Variants in CHD9 observed in about 807,000 individuals in gnomAD.
The protein encoded by CHD9 is ATP-dependent chromatin remodeler CHD9.
Under a neutral mutation model 316.1 loss-of-function variants are expected in CHD9, and 77 were observed. The observed-to-expected ratio is 0.24, with a 90% CI of 0.20 to 0.29. The LOEUF is 0.29. Ranked by LOEUF, CHD9 falls within the 10% of genes least tolerant of loss-of-function variation. The probability of loss-of-function intolerance (pLI) is 1.00; values close to 1 mark genes in which losing one functional copy is unlikely to be tolerated. For synonymous variants in CHD9, 1,129 were observed against 1,158.3 expected (o/e 0.97, Z 0.51); for missense variants, 2,763 against 3,438.1 (o/e 0.80, Z 4.91).
In CHD9 at chr16:53,209,506, G is replaced by A; in HGVS notation, c.1477G>A (p.Gly493Ser). Residue 493 changes from glycine (G) to serine (S), a missense_variant, in exon 3 of 39, where the codon GGT becomes AGT. Around this residue, in one of 15 missense-constraint regions of CHD9, gnomAD observed 859 missense variants for 890.4 expected, o/e 0.96. Coordinates refer to ENST00000447540, the MANE Select transcript of CHD9 (RefSeq NM_001308319.2). ...GCCTCCATCTTCCAAGAAGAGCGATGGTTCTGGGACATATACTAAGTTGCA... is the reference window on the plus strand; with the variant it reads ...GCCTCCATCTTCCAAGAAGAGCGATAGTTCTGGGACATATACTAAGTTGCA... ...RQPPSSKKSD[G>S]SGTYTKLQNT... 6.2e-7 allele frequency: 1 copy of A among 1,606,004 alleles called. No homozygotes were observed. Among genetic ancestry groups the A allele is most frequent in the African/African-American group, 1.3e-5 (1 of 74,648 alleles).
At chr16:53,056,168 G>A (rs2032088314) in intron 1 of CHD9, among the ~76,000 whole-genome samples, 1 of 152,248 alleles carries the variant, frequency 6.6e-6, no homozygotes, top group Admixed American at 6.5e-5. Context: ...TGGGATTATA[G>A]GCATGAGCCG....
intron 2 of CHD9, among the ~76,000 whole-genome samples, chr16:53,192,529 T>C (rs2044560050): frequency 6.6e-6 from 1 of 152,226 alleles, no homozygotes; most frequent in Non-Finnish European, 1.5e-5. Flanking sequence ...ATTCATCTTT[T>C]GTGTCATATA....
Position 53,255,618 on chromosome 16 carries a change from A to G in CHD9, c.4048A>G (p.Lys1350Glu). 1 of 1,611,268 alleles carries G rather than the reference A, an allele frequency of 6.2e-7. No homozygotes were observed. Among genetic ancestry groups the G allele is most frequent in the Non-Finnish European group, 8.5e-7 (1 of 1,179,108 alleles). Residue 1350 changes from lysine (K) to glutamate (E), a missense_variant, in exon 19 of 39, where the codon AAG becomes GAG. By Grantham distance (56) the Lys-to-Glu change is moderately conservative. This residue lies in a region of CHD9 where 199 missense variants were observed against 251.7 expected (regional missense o/e 0.79). Transcript: ENST00000447540. The stretch of plus-strand genomic sequence containing the variant: ...TCCTTAGATTCAGCAGCTTTCCAAA[A>G]AGGAAATAGAAGATCTGCTTCGAAG... ...NVGGIQQLSK[K>E]EIEDLLRRGA...
intron 1 of CHD9, among the ~76,000 whole-genome samples, chr16:53,090,540 G>GA: frequency 6.6e-6 from 1 of 152,292 alleles, no homozygotes; most frequent in East Asian, 1.9e-4. Flanking sequence ...GGTTCTGTGG[G>GA]ATCACGTGTA....
chr16:53,079,153 C>T (rs933965436), intron 1 of CHD9, among the ~76,000 whole-genome samples: 1 of 152,158 alleles, frequency 6.6e-6, no homozygotes, highest in African/African-American at 2.4e-5. Context: ...TTTTCCTTCT[C>T]GTACCCCTCA....
At chr16:53,314,296 C>T in intron 34 of CHD9, 81 bp from the exon 35 acceptor site, 1 of 997,344 alleles carries the variant, frequency 1.0e-6, no homozygotes, top group East Asian at 2.8e-5. Flanking sequence ...CTAACACTTT[C>T]ATATATTTAG....
In CHD9 at chr16:53,288,019, G is replaced by T. The variant is rs767288514; in HGVS notation, c.5247+5G>T. The T allele has an allele frequency of 1.9e-6, 3 of 1,597,680 alleles. No homozygotes were observed. In the East Asian group the frequency reaches 6.7e-5, roughly 36 times the overall value. ...ATCTTTAAAGATGATATAGAGGTAT[G>T]CATTGGATCATATTTTTAAATCCTC... On this transcript the variant is annotated splice_donor_5th_base_variant and intron_variant, in intron 27 of 38. Transcript: ENST00000447540.
intron 1 of CHD9, among the ~76,000 whole-genome samples, chr16:53,120,978 C>T (rs1426541584): frequency 6.6e-6 from 1 of 152,186 alleles, no homozygotes; most frequent in Non-Finnish European, 1.5e-5. Flanking sequence ...TGCACTCCAG[C>T]CTGGGTGACA....
chr16:53,215,841 A>G (rs913017827), intron 3 of CHD9, among the ~76,000 whole-genome samples: 1 of 152,218 alleles, frequency 6.6e-6, no homozygotes, highest in African/African-American at 2.4e-5. Flanking sequence ...ACATCTGAAA[A>G]TCAAATATAG....
chr16:53,183,200 T>C (rs6499332), intron 2 of CHD9, among the ~76,000 whole-genome samples: 47,268 of 152,122 alleles, frequency 0.31, 7,506 homozygotes, highest in Middle Eastern at 0.39. Context: ...ATCAGAAACC[T>C]ACCACCTAGG....
At chr16:53,223,763 C>A (rs1347642192) in intron 4 of CHD9, among the ~76,000 whole-genome samples, 1 of 151,854 alleles carries the variant, frequency 6.6e-6, no homozygotes, top group Non-Finnish European at 1.5e-5. Context: ...TGCTTTAACA[C>A]ACACACAAAA....
chr16:53,251,538 A>G lies in CHD9; in HGVS notation c.3861+1472A>G, dbSNP rs373558297. ...AGTCCTGGGTTCCAAATGGCACAAA[A>G]TGGATGTGGATAGAATAAAAGTGTC... On this transcript the variant is annotated intron_variant, in intron 17 of 38. Coordinates refer to ENST00000447540, the MANE Select transcript of CHD9 (RefSeq NM_001308319.2). Among the ~76,000 whole-genome samples, 3 of 152,294 alleles carry G rather than the reference A, an allele frequency of 2.0e-5. No homozygotes were observed. In the East Asian group the frequency reaches 5.8e-4, roughly 29 times the overall value.
chr16:53,094,392 CAG>C (rs958310910), intron 1 of CHD9, among the ~76,000 whole-genome samples: 2 of 152,124 alleles, frequency 1.3e-5, no homozygotes, highest in African/African-American at 4.8e-5. Context: ...AGCCACCGCA[CAG>C]AGAGACCAGT....
Position 53,262,988 on chromosome 16 carries a change from C to T in CHD9, c.4211C>T (p.Ala1404Val). ...TAAAACTGCCATTATATATTTCAGG[C>T]GAGTTTTGTGGCATCTGGAAACCGG... Reference protein sequence around the residue: ...SEGRGSTFAKASFVASGNRTD... With the variant: ...SEGRGSTFAKVSFVASGNRTD... The change falls in exon 20 of 39, where the codon GCG (alanine) becomes GTG (valine). Residue 1404 changes from alanine to valine, a missense_variant and splice_region_variant. Transcript: ENST00000447540. The T allele has an allele frequency of 1.2e-6, 2 of 1,610,586 alleles. No homozygotes were observed. Among genetic ancestry groups the T allele is most frequent in the Non-Finnish European group, 1.7e-6 (2 of 1,177,756 alleles).
rs1445542310 is a variant in CHD9 at position 53,163,245 on chromosome 16, T to C, written c.1452+5704T>C. The stretch of plus-strand genomic sequence containing the variant: ...TTTTTGTTGAGACGGAGTTTCACTT[T>C]TGTTGCCCAGGCTAAAGTTCAATGA... On this transcript the variant is annotated intron_variant, in intron 2 of 38. Transcript: ENST00000447540. Among the ~76,000 whole-genome samples the C allele has an allele frequency of 2.0e-5, 3 of 152,102 alleles. No individual in the cohort carries two copies. In the East Asian group the frequency reaches 5.8e-4, roughly 29 times the overall value.
intron 2 of CHD9, among the ~76,000 whole-genome samples, chr16:53,205,940 T>C (rs150213239): frequency 5.3e-4 from 81 of 152,144 alleles, no homozygotes; most frequent in African/African-American, 2.0e-3. Flanking sequence ...CAACTAGGTT[T>C]CCTATTTCTT....
intron 8 of CHD9, among the ~76,000 whole-genome samples, chr16:53,230,971 A>G (rs770161504): frequency 6.6e-6 from 1 of 152,218 alleles, no homozygotes; most frequent in Non-Finnish European, 1.5e-5. Flanking sequence ...TGGGTTGAAG[A>G]GTAAATGAGT....
intron 24 of CHD9, among the ~76,000 whole-genome samples, chr16:53,276,401 C>G (rs1360658654): frequency 6.6e-6 from 1 of 152,172 alleles, no homozygotes; most frequent in African/African-American, 2.4e-5. Flanking sequence ...CTAGTCAATT[C>G]ATATTCCTAC....
rs183364552 is a variant in CHD9 at position 53,326,360 on chromosome 16, A to G, written c.*1465A>G. The G allele has an allele frequency of 1.5e-4, 23 of 152,616 alleles. No homozygotes were observed. The highest frequency in any genetic ancestry group is 3.3e-4 in the Admixed American group (5 of 15,282). The allele number at this position is 152,616 out of a possible 1,614,324, so 9.5% of individuals were successfully genotyped here. A position where few individuals can be genotyped will look rare whatever the true frequency, so the allele number is the denominator to read the frequency against. ...CAAGGGCATAAATTTAGGGGGAAAA[A>G]GTGTCCCAGTTCTCTCCTACAGAAA... On this transcript the variant is annotated 3_prime_UTR_variant, in exon 39 of 39. Transcript: ENST00000447540.
Sources: gnomAD v4.1 joint callset for allele counts (sites outside exome capture counted in the v4.1 genomes callset) on GRCh38, gnomAD v4.1.1 for gene constraint, gnomAD v4.1.1 regional missense constraint, MANE v1.5 for transcripts, NCBI Gene and HGNC (gene_info 2026-07-23, HGNC 2026-07-21) for gene names.